The following NEGR1 variants were observed in gnomAD, a reference collection of about 807,000 sequenced individuals.
NEGR1 encodes the protein IgLON family member 4.
NEGR1 carries 10 observed loss-of-function variants against 40.9 expected under a neutral mutation model. That is an observed-to-expected ratio of 0.24 (90% CI 0.15 to 0.42). The LOEUF is 0.42. Ranked by LOEUF, NEGR1 falls within the 10% of genes least tolerant of loss-of-function variation. The pLI, the probability that NEGR1 is intolerant of heterozygous loss-of-function variation, is 1.00. For missense variants in NEGR1, 352 were observed against 438.9 expected, an observed-to-expected ratio of 0.80 and a Z score of 1.77; for synonymous variants, 185 against 166.8, an observed-to-expected ratio of 1.11 and a Z score of -0.84.
intron 4 of NEGR1, among the ~76,000 whole-genome samples, chr1:71,669,445 A>G (rs998245201): frequency 1.1e-4 from 16 of 151,910 alleles, no homozygotes; most frequent in Non-Finnish European, 1.3e-4. Context: ...TATTTTTATT[A>G]TATTATTCTT....
chr1:72,037,536 T>C (rs1348983288), intron 1 of NEGR1, among the ~76,000 whole-genome samples: 1 of 152,170 alleles, frequency 6.6e-6, no homozygotes, highest in Non-Finnish European at 1.5e-5. Flanking sequence ...GTAGAAATTC[T>C]TTGGGAAGCA....
intron 1 of NEGR1, among the ~76,000 whole-genome samples, chr1:72,262,167 T>G (rs1655480117): frequency 6.6e-6 from 1 of 151,992 alleles, no homozygotes; most frequent in Admixed American, 6.6e-5. Flanking sequence ...AACCTTTTAC[T>G]CGGAAACGTG....
chr1:71,757,840 T>C (rs1655794897), intron 3 of NEGR1, among the ~76,000 whole-genome samples: 2 of 152,134 alleles, frequency 1.3e-5, no homozygotes, highest in Admixed American at 1.3e-4. Context: ...CCTGATTTTA[T>C]CACATAAGAA....
At chr1:72,211,177 C>T (rs1395483999) in intron 1 of NEGR1, among the ~76,000 whole-genome samples, 1 of 151,756 alleles carries the variant, frequency 6.6e-6, no homozygotes, top group Non-Finnish European at 1.5e-5. Flanking sequence ...CTTGCTTTCT[C>T]TCTTCCTTCC....
intron 2 of NEGR1, among the ~76,000 whole-genome samples, chr1:71,896,356 A>G (rs887970381): frequency 6.6e-6 from 1 of 152,082 alleles, no homozygotes; most frequent in Non-Finnish European, 1.5e-5. Context: ...TATTTGGGGA[A>G]TTTCTATTCA....
intron 4 of NEGR1, among the ~76,000 whole-genome samples, chr1:71,674,674 T>C (rs1652554620): frequency 6.6e-6 from 1 of 151,954 alleles, no homozygotes; most frequent in African/African-American, 2.4e-5. Context: ...TCCGGTTAGC[T>C]TTTTCAATGA....
chr1:71,847,618 T>A (rs1040253929), intron 2 of NEGR1, among the ~76,000 whole-genome samples: 1 of 152,216 alleles, frequency 6.6e-6, no homozygotes, highest in African/African-American at 2.4e-5. Flanking sequence ...AAATGTTCTA[T>A]ATGTTCTGAC....
intron 6 of NEGR1, among the ~76,000 whole-genome samples, chr1:71,501,315 A>G (rs2101401153): frequency 6.6e-6 from 1 of 152,272 alleles, no homozygotes; most frequent in African/African-American, 2.4e-5. Flanking sequence ...TTTGTTATGC[A>G]TTAATTGTGA....
chr1:72,021,783 G>T (rs999556318), intron 1 of NEGR1, among the ~76,000 whole-genome samples: 5 of 152,152 alleles, frequency 3.3e-5, no homozygotes, highest in African/African-American at 1.2e-4. Context: ...GGTTTTGACA[G>T]GCAAATTCTA....
chr1:71,420,215 C>A (rs1488815758), intron 6 of NEGR1, among the ~76,000 whole-genome samples: 1 of 152,002 alleles, frequency 6.6e-6, no homozygotes, highest in Non-Finnish European at 1.5e-5. Context: ...TTTCATAACA[C>A]CTTTATTTTA....
intron 2 of NEGR1, among the ~76,000 whole-genome samples, chr1:71,868,486 AC>A (rs1660186449): frequency 6.7e-6 from 1 of 149,362 alleles, no homozygotes; most frequent in African/African-American, 2.5e-5. Context: ...ATACATACAT[AC>A]ATACATACAT....
intron 1 of NEGR1, among the ~76,000 whole-genome samples, chr1:72,243,020 TAAA>T (rs1170198984): frequency 6.6e-6 from 1 of 151,714 alleles, no homozygotes; most frequent in Non-Finnish European, 1.5e-5. Flanking sequence ...GACAGAATAA[TAAA>T]AAGTAAATAA....
At chr1:72,008,352 T>C (rs1570602752) in intron 1 of NEGR1, among the ~76,000 whole-genome samples, 1 of 152,272 alleles carries the variant, frequency 6.6e-6, no homozygotes, top group Non-Finnish European at 1.5e-5. Flanking sequence ...TTTTTCTATC[T>C]AATAAAATGT....
chr1:72,065,852 C>T (rs1177770606), intron 1 of NEGR1, among the ~76,000 whole-genome samples: 1 of 151,914 alleles, frequency 6.6e-6, no homozygotes, highest in Non-Finnish European at 1.5e-5. Flanking sequence ...CTAATTTTGC[C>T]CATAAGCAAA....
intron 2 of NEGR1, among the ~76,000 whole-genome samples, chr1:71,922,369 A>G (rs2114214): frequency 0.55 from 83,307 of 152,100 alleles, 24,341 homozygotes; most frequent in African/African-American, 0.74. Flanking sequence ...GTGTGGGGGC[A>G]ACATAGAGCA....
chr1:71,755,008 C>T (rs545143330), intron 3 of NEGR1, among the ~76,000 whole-genome samples: 2 of 152,272 alleles, frequency 1.3e-5, no homozygotes, highest in African/African-American at 4.8e-5. Flanking sequence ...CTGACCTCTT[C>T]CTTGAGAAAA....
chr1:71,913,289 A>G (rs1314492951), intron 2 of NEGR1, among the ~76,000 whole-genome samples: 1 of 151,634 alleles, frequency 6.6e-6, no homozygotes, highest in African/African-American at 2.4e-5. Context: ...TAATTTTTTT[A>G]TTTTTAGTAG....
chr1:71,492,222 T>A (rs188147018), intron 6 of NEGR1, among the ~76,000 whole-genome samples: 26 of 152,100 alleles, frequency 1.7e-4, no homozygotes, highest in Non-Finnish European at 3.2e-4. Flanking sequence ...CAATCTAAAA[T>A]GCAAGTAAGA....
intron 1 of NEGR1, among the ~76,000 whole-genome samples, chr1:72,076,247 ATGATAGGAAT>A: frequency 6.6e-6 from 1 of 152,200 alleles, no homozygotes; most frequent in Non-Finnish European, 1.5e-5. Flanking sequence ...TAGAGTCCTC[ATGATAGGAAT>A]TAGTGCCTCT....
Sources: allele counts gnomAD v4.1 joint callset (sites outside exome capture counted in the v4.1 genomes callset), GRCh38; gene constraint gnomAD v4.1.1; transcripts MANE v1.5; gene names NCBI Gene and HGNC (gene_info 2026-07-23, HGNC 2026-07-21).